LPP: variants seen among roughly 807,000 people sequenced by gnomAD.
The protein encoded by LPP is lipoma-preferred partner.
In LPP, 38 loss-of-function variants were observed where a neutral mutation model predicts 60.4. The ratio of observed to expected loss-of-function variants is 0.63; its 90% CI spans 0.49 to 0.83. The LOEUF (loss-of-function observed/expected upper bound fraction) is 0.83, where lower values mean the gene tolerates loss of function less well. LPP is among the 40% of genes least tolerant of loss of function. The pLI is 0.00. For missense variants in LPP, 902 were observed against 783.6 expected, an observed-to-expected ratio of 1.15 and a Z score of -1.80; for synonymous variants, 328 against 290.8, an observed-to-expected ratio of 1.13 and a Z score of -1.30.
chr3:188,270,137 A>G (rs1220447182), intron 2 of LPP, among the ~76,000 whole-genome samples: 1 of 152,184 alleles, frequency 6.6e-6, no homozygotes, highest in Non-Finnish European at 1.5e-5. Context: ...GCCTGAGAAT[A>G]GGCAAAAGAG....
chr3:188,547,195 A>G (rs1469576845), intron 6 of LPP, among the ~76,000 whole-genome samples: 1 of 152,184 alleles, frequency 6.6e-6, no homozygotes, highest in East Asian at 1.9e-4. Flanking sequence ...AAGCCTGGAA[A>G]GGAAGGCACG....
intron 7 of LPP, among the ~76,000 whole-genome samples, chr3:188,705,362 T>C (rs550456129): frequency 6.6e-6 from 1 of 152,200 alleles, no homozygotes; most frequent in Non-Finnish European, 1.5e-5. Flanking sequence ...TCTGTCATTG[T>C]CTATTTAGGT....
chr3:188,321,321 A>C (rs1756900315), intron 2 of LPP, among the ~76,000 whole-genome samples: 1 of 152,216 alleles, frequency 6.6e-6, no homozygotes, highest in East Asian at 1.9e-4. Context: ...GTTGAAAAAT[A>C]ATATTTTGGA....
intron 11 of LPP, among the ~76,000 whole-genome samples, chr3:188,874,146 C>A (rs1768910619): frequency 6.6e-6 from 1 of 151,858 alleles, no homozygotes; most frequent in African/African-American, 2.4e-5. Context: ...TATTTATGTC[C>A]CCAATCTCTA....
At chr3:188,766,849 T>C (rs1734310905) in intron 9 of LPP, among the ~76,000 whole-genome samples, 1 of 152,190 alleles carries the variant, frequency 6.6e-6, no homozygotes, top group African/African-American at 2.4e-5. Flanking sequence ...CTGTTATGTT[T>C]ACCTGTGGGT....
At chr3:188,487,145 G>A (rs575285339) in intron 5 of LPP, among the ~76,000 whole-genome samples, 1 of 152,168 alleles carries the variant, frequency 6.6e-6, no homozygotes, top group Non-Finnish European at 1.5e-5. Context: ...TTCTAGTTGT[G>A]TGATCTTGCG....
intron 2 of LPP, among the ~76,000 whole-genome samples, chr3:188,256,309 T>A (rs184395782): frequency 6.6e-6 from 1 of 152,334 alleles, no homozygotes; most frequent in East Asian, 1.9e-4. Context: ...TCTTAGTTAT[T>A]ACAGTTTGTT....
At chr3:188,344,908 A>G (rs1311830564) in intron 3 of LPP, among the ~76,000 whole-genome samples, 2 of 151,994 alleles carry the variant, frequency 1.3e-5, no homozygotes, top group Admixed American at 6.6e-5. Context: ...CTTCCCCCCT[A>G]TTAAGACCGT....
chr3:188,748,805 C>T lies in LPP; in HGVS notation c.1241-11308C>T, dbSNP rs116219502. ...TCTCAAAGTAATAATAATAATAAGA[C>T]GAAGAAGTAACAAAGCCAAACTGGA... On this transcript the variant is annotated intron_variant, in intron 8 of 11. Coordinates refer to ENST00000617246, the MANE Select transcript of LPP (RefSeq NM_001375462.1). Among the ~76,000 whole-genome samples, 952 of 152,102 alleles carry T rather than the reference C, an allele frequency of 6.3e-3. 11 individuals carry two copies. Among genetic ancestry groups the T allele is most frequent in the African/African-American group, 0.022 (917 of 41,504 alleles).
intron 4 of LPP, among the ~76,000 whole-genome samples, chr3:188,453,132 G>A (rs1323072547): frequency 6.6e-6 from 1 of 151,946 alleles, no homozygotes; most frequent in Non-Finnish European, 1.5e-5. Context: ...ATTTCTCTTT[G>A]ACTCTTTCTT....
chr3:188,354,927 G>A (rs1767110269), intron 3 of LPP, among the ~76,000 whole-genome samples: 1 of 152,148 alleles, frequency 6.6e-6, no homozygotes, highest in Non-Finnish European at 1.5e-5. Flanking sequence ...CAGAATTTCG[G>A]ATGTATGTGT....
intron 7 of LPP, among the ~76,000 whole-genome samples, chr3:188,664,269 G>T (rs1296500014): frequency 6.6e-6 from 1 of 152,008 alleles, no homozygotes; most frequent in Non-Finnish European, 1.5e-5. Context: ...CACCCATTTG[G>T]CTTAGCACCC....
intron 4 of LPP, 52 bp from the exon 5 acceptor site, chr3:188,484,540 A>C: frequency 8.0e-7 from 1 of 1,257,262 alleles, no homozygotes; most frequent in South Asian, 1.2e-5. Context: ...TATCACGAGT[A>C]CTATAACGTT....
chr3:188,426,551 G>C (rs1032229066), intron 4 of LPP, among the ~76,000 whole-genome samples: 1 of 152,082 alleles, frequency 6.6e-6, no homozygotes, highest in African/African-American at 2.4e-5. Context: ...TGACAGTGGG[G>C]TGTTAAAGTC....
chr3:188,629,771 C>A (rs80354455), intron 7 of LPP, among the ~76,000 whole-genome samples: 6,793 of 151,734 alleles, frequency 0.045, 301 homozygotes, highest in African/African-American at 0.11. Context: ...CCCAAATAGG[C>A]AAAACAATGC....
rs551373810 is a variant in LPP, at chr3:188,879,661, C to A, written c.*5182C>A. 9.3e-5 allele frequency: 17 copies of A among 183,662 alleles called. No individual in the cohort carries two copies. The highest frequency in any genetic ancestry group is 3.9e-4 in the South Asian group (2 of 5,090). 11.4% of individuals were successfully genotyped at this position (183,662 alleles called of 1,614,324 possible). On this transcript the variant is annotated 3_prime_UTR_variant, in exon 12 of 12. Transcript: ENST00000617246. ...TTTTAAGTCTGAAGCAATGTAACCC[C>A]AAAAAATTATAATTTTAATGATGGC...
intron 9 of LPP, among the ~76,000 whole-genome samples, chr3:188,790,902 C>G (rs1743493613): frequency 6.7e-6 from 1 of 149,810 alleles, no homozygotes; most frequent in African/African-American, 2.5e-5. Context: ...ACTGCTTTGC[C>G]CAACTTAATT....
At chr3:188,558,379 C>T (rs1479979253) in intron 6 of LPP, among the ~76,000 whole-genome samples, 5 of 152,040 alleles carry the variant, frequency 3.3e-5, no homozygotes. Flanking sequence ...GCCACTCTCA[C>T]CCTTCATTTT....
chr3:188,220,409 G>T (rs541181849), intron 1 of LPP, among the ~76,000 whole-genome samples: 1 of 152,270 alleles, frequency 6.6e-6, no homozygotes, highest in East Asian at 1.9e-4. Flanking sequence ...GGCAGGGAGG[G>T]CATTGCATCT....
Sources: gnomAD v4.1 joint callset for allele counts (sites outside exome capture counted in the v4.1 genomes callset) on GRCh38, gnomAD v4.1.1 for gene constraint, MANE v1.5 for transcripts, NCBI Gene and HGNC (gene_info 2026-07-23, HGNC 2026-07-21) for gene names.